PTPRM: variants seen among roughly 807,000 people sequenced by gnomAD.
PTPRM encodes the protein protein tyrosine phosphatase receptor type M.
A neutral mutation model predicts 186.7 loss-of-function variants in PTPRM; 47 were observed. The ratio of observed to expected loss-of-function variants is 0.25; its 90% CI spans 0.20 to 0.32. The LOEUF (loss-of-function observed/expected upper bound fraction) is 0.32. Ranked by LOEUF, PTPRM falls within the 10% of genes least tolerant of loss-of-function variation. PTPRM has a pLI of 1.00. For synonymous variants in PTPRM, 668 were observed against 674.9 expected (o/e 0.99, Z 0.16); for missense variants, 1,494 against 1,865.0 (o/e 0.80, Z 3.66).
rs1024326940 is a variant in PTPRM at position 7,668,315 on chromosome 18, A to G, written c.73+100424A>G. Among the ~76,000 whole-genome samples the G allele has an allele frequency of 6.6e-6, 1 of 152,090 alleles. No homozygotes were observed. The highest frequency in any genetic ancestry group is 2.4e-5 in the African/African-American group (1 of 41,404). ...AATGGTGGTTTTCCCCACTTCTGTC[A>G]CTTACCACCCACAGCCTTTTCTCTC... On this transcript the variant is annotated intron_variant, in intron 1 of 32. Coordinates refer to ENST00000580170, the MANE Select transcript of PTPRM (RefSeq NM_001105244.2). The surrounding 1 kb of genome is among the most constrained non-coding windows in gnomAD (Gnocchi z 4.7).
intron 7 of PTPRM, among the ~76,000 whole-genome samples, chr18:7,994,149 A>G (rs972441580): frequency 6.6e-6 from 1 of 152,120 alleles, no homozygotes; most frequent in South Asian, 2.1e-4. Context: ...AAAGAAACCA[A>G]AAGTCTTCAG....
intron 2 of PTPRM, among the ~76,000 whole-genome samples, chr18:7,879,549 A>C (rs2048399247): frequency 6.6e-6 from 1 of 152,192 alleles, no homozygotes; most frequent in Admixed American, 6.5e-5. Flanking sequence ...TGACTAGTTA[A>C]GGTGAAATAA....
intron 1 of PTPRM, among the ~76,000 whole-genome samples, chr18:7,612,454 A>G (rs1421251594): frequency 5.9e-5 from 9 of 152,112 alleles, no homozygotes; most frequent in African/African-American, 1.4e-4. Flanking sequence ...CGCACTTTCT[A>G]TGATTCCCAA....
chr18:7,857,803 A>G (rs982011135), intron 2 of PTPRM, among the ~76,000 whole-genome samples: 1 of 152,208 alleles, frequency 6.6e-6, no homozygotes, highest in Admixed American at 6.5e-5. Context: ...AAGCCCTTGA[A>G]TACAGAAATT....
intron 14 of PTPRM, among the ~76,000 whole-genome samples, chr18:8,206,599 C>A (rs2093935200): frequency 6.6e-6 from 1 of 152,230 alleles, no homozygotes; most frequent in South Asian, 2.1e-4. Flanking sequence ...GTAATCCATT[C>A]AAATTCACAT....
intron 1 of PTPRM, among the ~76,000 whole-genome samples, chr18:7,709,216 C>T (rs1192080882): frequency 6.6e-6 from 1 of 152,154 alleles, no homozygotes; most frequent in Non-Finnish European, 1.5e-5. Context: ...ATTATCTTCT[C>T]AGACCACAGT....
At chr18:7,786,627 T>A (rs1294640996) in intron 2 of PTPRM, among the ~76,000 whole-genome samples, 1 of 152,064 alleles carries the variant, frequency 6.6e-6, no homozygotes, top group Non-Finnish European at 1.5e-5. Flanking sequence ...ATGAAAACCA[T>A]CATATGCCTT....
chr18:8,087,376 G>A (rs899105652), intron 10 of PTPRM, among the ~76,000 whole-genome samples: 11 of 151,984 alleles, frequency 7.2e-5, no homozygotes, highest in East Asian at 1.9e-4. Context: ...AGACATACCC[G>A]AGACTGGGTA....
chr18:7,604,314 G>A (rs2037477340), intron 1 of PTPRM, among the ~76,000 whole-genome samples: 1 of 152,226 alleles, frequency 6.6e-6, no homozygotes, highest in South Asian at 2.1e-4. Context: ...CCAGATGCAG[G>A]AGGTAAGGCT....
chr18:8,386,578 AT>A (rs1294339358), intron 30 of PTPRM, among the ~76,000 whole-genome samples: 1 of 152,170 alleles, frequency 6.6e-6, no homozygotes, highest in Non-Finnish European at 1.5e-5. Context: ...GAATTCTGCA[AT>A]TCTATTTCAC....
At chr18:7,688,724 G>A (rs190768941) in intron 1 of PTPRM, among the ~76,000 whole-genome samples, 55 of 152,276 alleles carry the variant, frequency 3.6e-4, no homozygotes, top group South Asian at 1.9e-3. Context: ...CATCCCGTGC[G>A]TTTGACTTTT....
intron 2 of PTPRM, among the ~76,000 whole-genome samples, chr18:7,796,396 A>G (rs1476813245): frequency 6.6e-6 from 1 of 152,224 alleles, no homozygotes; most frequent in Non-Finnish European, 1.5e-5. Context: ...TTGCATTACC[A>G]TGCAAACTTA....
At chr18:8,038,380 A>ATTTTTTTTTT (rs10708528) in intron 7 of PTPRM, among the ~76,000 whole-genome samples, 2 of 124,390 alleles carry the variant, frequency 1.6e-5, no homozygotes, top group African/African-American at 3.1e-5. Flanking sequence ...TAGCTTTTAG[A>ATTTTTTTTTT]TTTTTTTTTT....
At chr18:7,793,944 C>T (rs1380475663) in intron 2 of PTPRM, among the ~76,000 whole-genome samples, 2 of 152,156 alleles carry the variant, frequency 1.3e-5, no homozygotes, top group Non-Finnish European at 2.9e-5. Context: ...AACATAGCGG[C>T]AGAAGAGCAC....
chr18:8,384,595 A>C lies in PTPRM; in HGVS notation c.3953A>C (p.His1318Pro), dbSNP rs1457112800. The C allele has an allele frequency of 6.2e-7, 1 of 1,614,234 alleles. No individual in the cohort carries two copies. Among genetic ancestry groups the C allele is most frequent in the Non-Finnish European group, 8.5e-7 (1 of 1,180,022 alleles). The change falls in exon 30 of 33, where the codon CAC becomes CCC. Residue 1318 changes from histidine (H) to proline (P), a missense_variant. By Grantham distance (77) the His-to-Pro change is moderately conservative. Around this residue, in one of 3 missense-constraint regions of PTPRM, gnomAD observed 1,107 missense variants for 1,350.2 expected, o/e 0.82. Transcript: ENST00000580170. ...CAGTACTGGCCAGAAAACGGAGTAC[A>C]CAGACACGGCCCCATCCAGGTGGAA... Reference protein sequence around the residue: ...CPQYWPENGVHRHGPIQVEFV... With the variant: ...CPQYWPENGVPRHGPIQVEFV...
chr18:8,242,926 T>G (rs1234208214), intron 14 of PTPRM, among the ~76,000 whole-genome samples: 1 of 152,230 alleles, frequency 6.6e-6, no homozygotes, highest in African/African-American at 2.4e-5. Context: ...GGTGCGGTTT[T>G]CTTTCATAGA....
intron 7 of PTPRM, among the ~76,000 whole-genome samples, chr18:8,028,447 T>G (rs1307903920): frequency 2.0e-5 from 3 of 152,188 alleles, no homozygotes; most frequent in Admixed American, 6.5e-5. Flanking sequence ...CCCGGAAAAT[T>G]TATTAAATAA....
intron 14 of PTPRM, among the ~76,000 whole-genome samples, chr18:8,194,526 C>G (rs949528237): frequency 1.3e-5 from 2 of 152,228 alleles, no homozygotes; most frequent in Non-Finnish European, 2.9e-5. Flanking sequence ...ACACTGGAAA[C>G]AGGCAGGCCC....
chr18:7,876,050 A>G (rs1599220698), intron 2 of PTPRM, among the ~76,000 whole-genome samples: 2 of 152,002 alleles, frequency 1.3e-5, no homozygotes, highest in Admixed American at 6.6e-5. Context: ...GAGTATTACA[A>G]TCTTATGGGA....
Sources: allele counts gnomAD v4.1 joint callset (sites outside exome capture counted in the v4.1 genomes callset), GRCh38; gene constraint gnomAD v4.1.1; regional missense constraint gnomAD v4.1.1; non-coding constraint Gnocchi (gnomAD v3.1); transcripts MANE v1.5; gene names NCBI Gene and HGNC (gene_info 2026-07-23, HGNC 2026-07-21).